FRMPD4: variants seen among roughly 807,000 people sequenced by gnomAD.
FRMPD4 encodes FERM and PDZ domain-containing protein 4.
In FRMPD4, 22 loss-of-function variants were observed where a neutral mutation model predicts 94.1. That is an observed-to-expected ratio of 0.23 (90% CI 0.17 to 0.33). FRMPD4 has a LOEUF of 0.33. Ranked by LOEUF, FRMPD4 falls within the 10% of genes least tolerant of loss-of-function variation. The pLI is 1.00. For synonymous variants in FRMPD4, 631 were observed against 548.6 expected, an observed-to-expected ratio of 1.15 and a Z score of -2.10; for missense variants, 1,111 against 1,339.9, an observed-to-expected ratio of 0.83 and a Z score of 2.67.
chrX:12,254,266 T>C (rs1418458667), intron 1 of FRMPD4, among the ~76,000 whole-genome samples: 3 of 112,323 alleles, frequency 2.7e-5, no homozygotes, highest in Non-Finnish European at 5.6e-5. Context: ...TGTTGTTTCC[T>C]TTTAGCAAGA....
intron 2 of FRMPD4, among the ~76,000 whole-genome samples, chrX:12,522,594 C>CT (rs373581040): frequency 0.35 from 26,203 of 74,038 alleles, 5,426 homozygotes; most frequent in African/African-American, 0.62. Flanking sequence ...TTTTCTTTTC[C>CT]TTTTTTTTTT....
chrX:12,602,720 T>C (rs771721510), intron 2 of FRMPD4, among the ~76,000 whole-genome samples: 2 of 112,080 alleles, frequency 1.8e-5, no homozygotes, highest in East Asian at 5.6e-4. Context: ...TGGGCAGCTC[T>C]GCTATACTTA....
intron 1 of FRMPD4, among the ~76,000 whole-genome samples, chrX:11,831,592 A>G (rs1223357674): frequency 9.0e-6 from 1 of 111,721 alleles, no homozygotes; most frequent in East Asian, 2.8e-4. Context: ...GAGTATAGAT[A>G]TAGCCATGGG....
intron 3 of FRMPD4, among the ~76,000 whole-genome samples, chrX:11,898,078 C>T (rs2053914060): frequency 9.0e-6 from 1 of 111,235 alleles, no homozygotes; most frequent in African/African-American, 3.3e-5. Flanking sequence ...AGGAGCAGTT[C>T]AAGGTTCCAA....
chrX:12,101,572 G>C (rs1486531283), intron 3 of FRMPD4, among the ~76,000 whole-genome samples: 1 of 111,512 alleles, frequency 9.0e-6, no homozygotes, highest in East Asian at 2.8e-4. Flanking sequence ...ATAAGATTCT[G>C]ACCCTTTATT....
intron 6 of FRMPD4, 68 bp downstream of exon 6, chrX:12,683,655 C>T: frequency 1.8e-6 from 1 of 559,229 alleles, no homozygotes; most frequent in Admixed American, 2.8e-5. Context: ...GCACTCAAAA[C>T]AAAGTCAGTA....
intron 2 of FRMPD4, 76 bp from the exon 3 acceptor site, chrX:12,609,645 A>G (rs1286526240): frequency 9.3e-6 from 8 of 859,800 alleles, no homozygotes; most frequent in Non-Finnish European, 1.3e-5. Context: ...TTGAAATTAA[A>G]GAGAATATGA....
intron 1 of FRMPD4, among the ~76,000 whole-genome samples, chrX:12,195,859 T>C (rs996492695): frequency 5.4e-5 from 6 of 111,608 alleles, no homozygotes; most frequent in African/African-American, 2.0e-4. Context: ...GTATATCTGC[T>C]TCTGGCTCCA....
At chrX:12,095,326 C>T (rs1484478556) in intron 3 of FRMPD4, among the ~76,000 whole-genome samples, 1 of 105,489 alleles carries the variant, frequency 9.5e-6, no homozygotes, top group South Asian at 4.4e-4. Flanking sequence ...TGTGGTGAGC[C>T]ATGATTATGC....
At chrX:11,942,974 T>C (rs751580565) in intron 3 of FRMPD4, among the ~76,000 whole-genome samples, 1 of 112,274 alleles carries the variant, frequency 8.9e-6, no homozygotes, top group East Asian at 2.8e-4. Context: ...ATTGGATCTA[T>C]TTTTTAAAAG....
At chrX:12,511,932 G>A (rs1180126792) in intron 2 of FRMPD4, among the ~76,000 whole-genome samples, 1 of 111,957 alleles carries the variant, frequency 8.9e-6, no homozygotes, top group Non-Finnish European at 1.9e-5. Flanking sequence ...CTTCCATAAG[G>A]TTATCAGTGG....
chrX:12,222,794 C>T (rs777274637), intron 1 of FRMPD4, among the ~76,000 whole-genome samples: 3 of 112,023 alleles, frequency 2.7e-5, no homozygotes, highest in African/African-American at 9.7e-5. Context: ...TCTTGATGTT[C>T]AGTTATGTTG....
chrX:12,599,056 C>T (rs907552331), intron 2 of FRMPD4, among the ~76,000 whole-genome samples: 1 of 110,851 alleles, frequency 9.0e-6, no homozygotes, highest in African/African-American at 3.3e-5. Context: ...TTTCACTTTC[C>T]GAGTATAAAA....
At chrX:11,901,535 T>C (rs1265219098) in intron 3 of FRMPD4, among the ~76,000 whole-genome samples, 1 of 112,447 alleles carries the variant, frequency 8.9e-6, no homozygotes, top group Non-Finnish European at 1.9e-5. Context: ...ATCTTTGCAA[T>C]TGTGAAATAT....
chrX:12,679,354 A>AG (rs775600531), intron 5 of FRMPD4, among the ~76,000 whole-genome samples: 4 of 111,620 alleles, frequency 3.6e-5, no homozygotes, highest in Non-Finnish European at 7.5e-5. Flanking sequence ...TGCCAAGAGG[A>AG]GGGGTCATAT....
intron 1 of FRMPD4, among the ~76,000 whole-genome samples, chrX:12,315,103 C>T (rs2055094328): frequency 8.9e-6 from 1 of 111,951 alleles, no homozygotes; most frequent in Non-Finnish European, 1.9e-5. Context: ...ACTACTTATA[C>T]TTTAGAAATT....
At chrX:12,476,161 A>G (rs1601995901) in intron 1 of FRMPD4, among the ~76,000 whole-genome samples, 1 of 111,798 alleles carries the variant, frequency 8.9e-6, no homozygotes, top group African/African-American at 3.3e-5. Context: ...ATAATGCCAC[A>G]TATCTACAAC....
chrX:12,657,304 T>C (rs1046648639), intron 4 of FRMPD4, among the ~76,000 whole-genome samples: 2 of 111,339 alleles, frequency 1.8e-5, no homozygotes, highest in African/African-American at 6.5e-5. Flanking sequence ...ATGTGTTTCT[T>C]TGCAGGATTC....
Position 12,312,898 on chromosome X carries a change from A to G in FRMPD4, c.41+173886A>G, listed in dbSNP as rs139907123. ...AAGAAACCATCAGTAATAATTGAGT[A>G]CGCACCCATGCTGCAATGAGAGGAC... On this transcript the variant is annotated intron_variant, in intron 1 of 16. Transcript: ENST00000675598. Among the ~76,000 whole-genome samples, 940 of 111,311 alleles carry G rather than the reference A, an allele frequency of 8.4e-3. 12 individuals are homozygous for G. The highest frequency in any genetic ancestry group is 0.03 in the African/African-American group (905 of 30,622).
Sources: allele counts gnomAD v4.1 joint callset (sites outside exome capture counted in the v4.1 genomes callset), GRCh38; gene constraint gnomAD v4.1.1; transcripts MANE v1.5; gene names NCBI Gene and HGNC (gene_info 2026-07-23, HGNC 2026-07-21).